The following WRN variants were observed in gnomAD, a reference collection of about 807,000 sequenced individuals.
WRN encodes WRN RecQ like helicase.
A neutral mutation model predicts 180.7 loss-of-function variants in WRN; 149 were observed. The observed-to-expected ratio is 0.82, with a 90% CI of 0.72 to 0.94. The LOEUF is 0.94. WRN is among the 40% of genes least tolerant of loss of function. The probability of loss-of-function intolerance (pLI) is 0.00; values close to 1 mark genes in which losing one functional copy is unlikely to be tolerated. For synonymous variants in WRN, 548 were observed against 568.9 expected (o/e 0.96, Z 0.52); for missense variants, 1,661 against 1,700.1 (o/e 0.98, Z 0.40).
intron 23 of WRN, among the ~76,000 whole-genome samples, chr8:31,129,273 C>T (rs574245217): frequency 1.5e-4 from 23 of 152,316 alleles, no homozygotes; most frequent in African/African-American, 5.1e-4. Context: ...TGAGCCATCA[C>T]GCTTGACTAA....
intron 23 of WRN, among the ~76,000 whole-genome samples, chr8:31,129,139 G>C (rs1802048740): frequency 6.6e-6 from 1 of 152,166 alleles, no homozygotes; most frequent in Non-Finnish European, 1.5e-5. Flanking sequence ...ACCAGACCCA[G>C]TTAATTAAAA....
chr8:31,120,834 C>T (rs1363743030), intron 21 of WRN, among the ~76,000 whole-genome samples: 3 of 151,982 alleles, frequency 2.0e-5, no homozygotes, highest in African/African-American at 4.8e-5. Context: ...CTGATTCTTT[C>T]TTCCCATGCT....
chr8:31,088,981 T>G lies in WRN; in HGVS notation c.1652+16T>G. The G allele has an allele frequency of 6.2e-7, 1 of 1,601,218 alleles. No homozygotes were observed. The highest frequency in any genetic ancestry group is 8.5e-7 in the Non-Finnish European group (1 of 1,171,654). ...GTTTTAAACCGTGAGTATAATCTCATTTAATCAAATCACATATTTAGTATT... is the reference window on the plus strand; with the variant it reads ...GTTTTAAACCGTGAGTATAATCTCAGTTAATCAAATCACATATTTAGTATT... On this transcript the variant is annotated intron_variant, in intron 13 of 34. Coordinates refer to ENST00000298139, the MANE Select transcript of WRN (RefSeq NM_000553.6).
chr8:31,154,754 T>C lies in WRN; in HGVS notation c.3818T>C (p.Leu1273Ser). Residue 1273 changes from leucine to serine, a missense_variant and splice_region_variant, in exon 32 of 35, where the codon TTG (leucine) becomes TCG (serine). By Grantham distance (145) the Leu-to-Ser change is moderately radical (BLOSUM62 -2). Transcript: ENST00000298139. ...TTATTCCAAGAAAAGAAGATGCCTT[T>C]GGTAAGTGTGACTTTCATGTTACAG... ...YSLFQEKKMP[L>S]KSIAESRILP... 1 of 1,613,448 alleles carries C rather than the reference T, an allele frequency of 6.2e-7. No individual in the cohort carries two copies. Among genetic ancestry groups the C allele is most frequent in the Non-Finnish European group, 8.5e-7 (1 of 1,179,608 alleles).
At chr8:31,039,436 T>G (rs1182945186) in intron 1 of WRN, among the ~76,000 whole-genome samples, 1 of 152,218 alleles carries the variant, frequency 6.6e-6, no homozygotes, top group African/African-American at 2.4e-5. Context: ...TTTGTTGAAT[T>G]TACTTATTAG....
At chr8:31,120,540 G>C in intron 21 of WRN, 116 bp downstream of exon 21, 21 of 467,168 alleles carry the variant, frequency 4.5e-5, no homozygotes, top group Middle Eastern at 6.5e-4. Context: ...TGCATTTAAA[G>C]TAAAAAAAAA....
intron 26 of WRN, 25 bp from the exon 27 acceptor site, chr8:31,142,601 A>G: frequency 6.5e-7 from 1 of 1,536,916 alleles, no homozygotes; most frequent in Non-Finnish European, 8.9e-7. Flanking sequence ...AACATTTGAA[A>G]TAATTTAATT....
At chr8:31,091,001 A>T in intron 15 of WRN, 59 bp downstream of exon 15, 2 of 1,231,078 alleles carry the variant, frequency 1.6e-6, no homozygotes, top group Non-Finnish European at 2.4e-6. Flanking sequence ...TGGGTGAAAC[A>T]TCTGATCCAT....
At chr8:31,080,169 C>G (rs1813244008) in intron 8 of WRN, among the ~76,000 whole-genome samples, 1 of 152,232 alleles carries the variant, frequency 6.6e-6, no homozygotes, top group Admixed American at 6.5e-5. Context: ...GCATGAACCA[C>G]CGTGCCCGCC....
intron 9 of WRN, among the ~76,000 whole-genome samples, chr8:31,082,691 G>A (rs1475084524): frequency 6.6e-6 from 1 of 151,650 alleles, no homozygotes; most frequent in Non-Finnish European, 1.5e-5. Context: ...CTGCCTCCCC[G>A]GTTCAAGTGA....
At chr8:31,042,576 G>C (rs1035432313) in intron 1 of WRN, among the ~76,000 whole-genome samples, 2 of 152,184 alleles carry the variant, frequency 1.3e-5, no homozygotes, top group Non-Finnish European at 2.9e-5. Context: ...CCTTTTCATA[G>C]TTGTCAGATT....
intron 1 of WRN, among the ~76,000 whole-genome samples, chr8:31,053,833 T>A (rs950755864): frequency 6.6e-6 from 1 of 152,214 alleles, no homozygotes; most frequent in African/African-American, 2.4e-5. Context: ...GGAAAGTCAG[T>A]GTGTCTGTGA....
intron 34 of WRN, chr8:31,171,094 CATA>C (rs1776347642): frequency 6.6e-6 from 1 of 152,094 alleles, no homozygotes; most frequent in Admixed American, 6.6e-5. Context: ...AAGTAACACG[CATA>C]ATAAGGTCAT....
At chr8:31,125,537 G>GATATATATAT (rs71206299) in intron 23 of WRN, among the ~76,000 whole-genome samples, 1,610 of 63,638 alleles carry the variant, frequency 0.025, 150 homozygotes, top group East Asian at 0.057. Context: ...ATATTATGGA[G>GATATATATAT]ATATATATAT....
intron 24 of WRN, among the ~76,000 whole-genome samples, chr8:31,135,793 C>A (rs896690010): frequency 1.5e-5 from 1 of 65,978 alleles, no homozygotes; most frequent in African/African-American, 5.2e-5. Context: ...AGTGGCAAGT[C>A]TTTTCTTCTC....
chr8:31,104,829 G>T (rs991226849), intron 18 of WRN, among the ~76,000 whole-genome samples: 1 of 152,066 alleles, frequency 6.6e-6, no homozygotes, highest in African/African-American at 2.4e-5. Flanking sequence ...CTATTTCTGG[G>T]TTCTCTAGCC....
At chr8:31,123,192 T>A (rs891375741) in intron 21 of WRN, among the ~76,000 whole-genome samples, 1 of 152,060 alleles carries the variant, frequency 6.6e-6, no homozygotes, top group Non-Finnish European at 1.5e-5. Context: ...TTGTATTTAC[T>A]CCCTGTCTGT....
At chr8:31,090,770 A>T (rs1205905550) in intron 14 of WRN, 64 bp from the exon 15 acceptor site, 5 of 1,358,670 alleles carry the variant, frequency 3.7e-6, no homozygotes. Context: ...AAATGAAAGC[A>T]TCAAAGGTTT....
At chr8:31,122,923 T>C (rs1327377093) in intron 21 of WRN, among the ~76,000 whole-genome samples, 2 of 89,516 alleles carry the variant, frequency 2.2e-5, no homozygotes, top group Non-Finnish European at 4.5e-5. Flanking sequence ...ACAAACAAAA[T>C]AAAGCAAAAA....
Sources: gnomAD v4.1 joint callset for allele counts (sites outside exome capture counted in the v4.1 genomes callset) on GRCh38, gnomAD v4.1.1 for gene constraint, MANE v1.5 for transcripts, NCBI Gene and HGNC (gene_info 2026-07-23, HGNC 2026-07-21) for gene names.